PRELID2: variants seen among roughly 807,000 people sequenced by gnomAD.
PRELID2 encodes PRELI domain-containing protein 2.
A neutral mutation model predicts 28.4 loss-of-function variants in PRELID2; 25 were observed. That is an observed-to-expected ratio of 0.88 (90% CI 0.64 to 1.23). The LOEUF is 1.23. Ranked by LOEUF, PRELID2 falls within the 50% of genes most tolerant of loss-of-function variation. The pLI, the probability that PRELID2 is intolerant of heterozygous loss-of-function variation, is 0.00. For synonymous variants in PRELID2, 76 were observed against 71.6 expected (o/e 1.06, Z -0.31); for missense variants, 201 against 214.4 (o/e 0.94, Z 0.39).
At chr5:145,592,473 TAC>T (rs35879187) in intron 1 of PRELID2, among the ~76,000 whole-genome samples, 27,020 of 149,146 alleles carry the variant, frequency 0.18, 3,945 homozygotes, top group African/African-American at 0.4. Flanking sequence ...CACACATACA[TAC>T]ACACACACAC....
chr5:145,559,112 G>A (rs997855530), intron 1 of PRELID2, among the ~76,000 whole-genome samples: 8 of 152,004 alleles, frequency 5.3e-5, no homozygotes, highest in Admixed American at 3.3e-4. Flanking sequence ...AAAATTAGCC[G>A]GGCGTAGTGG....
rs778702597 is a variant in PRELID2 at position 145,759,663 on chromosome 5, A to C, written c.*873T>G. 4 of 152,242 alleles carry C rather than the reference A, an allele frequency of 2.6e-5. No individual in the cohort carries two copies. Among genetic ancestry groups the C allele is most frequent in the Non-Finnish European group, 5.9e-5 (4 of 68,048 alleles). 9.4% of individuals were successfully genotyped at this position (152,242 alleles called of 1,614,324 possible). Reference sequence around the variant, plus strand: ...TTGTGTTCATGATCACTGAGCAAGTAGGTGCCAGCACTTGGATTCAAACCC... The same window carrying C: ...TTGTGTTCATGATCACTGAGCAAGTCGGTGCCAGCACTTGGATTCAAACCC... On this transcript the variant is annotated 3_prime_UTR_variant, in exon 7 of 7. Coordinates refer to ENST00000683046, the MANE Select transcript of PRELID2 (RefSeq NM_205846.3).
intron 1 of PRELID2, among the ~76,000 whole-genome samples, chr5:145,649,724 G>T (rs1265478691): frequency 6.6e-6 from 1 of 152,082 alleles, no homozygotes; most frequent in Non-Finnish European, 1.5e-5. Flanking sequence ...TGCATTTCAA[G>T]GCTCCAAATT....
chr5:145,361,862 C>T, the PRELID2 span, among the ~76,000 whole-genome samples: 1 of 152,084 alleles, frequency 6.6e-6, no homozygotes, highest in Non-Finnish European at 1.5e-5. Flanking sequence ...TACTTTTTCT[C>T]TGGAAAGTCC....
At chr5:145,712,445 C>T (rs1488032049) in intron 1 of PRELID2, among the ~76,000 whole-genome samples, 1 of 152,120 alleles carries the variant, frequency 6.6e-6, no homozygotes, top group African/African-American at 2.4e-5. Flanking sequence ...TCAGCAAATG[C>T]TGTAAGCCAA....
At chr5:145,412,036 C>T in the PRELID2 span, among the ~76,000 whole-genome samples, 2 of 152,108 alleles carry the variant, frequency 1.3e-5, no homozygotes, top group African/African-American at 4.8e-5. Flanking sequence ...TGGGCCCAGG[C>T]CAGAAAACCA....
At chr5:145,644,084 AATG>A (rs1158728006) in intron 1 of PRELID2, among the ~76,000 whole-genome samples, 4 of 152,136 alleles carry the variant, frequency 2.6e-5, no homozygotes, top group African/African-American at 7.2e-5. Flanking sequence ...TTTCAGAAGG[AATG>A]ATACCAGCTC....
intron 1 of PRELID2, among the ~76,000 whole-genome samples, chr5:145,481,516 T>A (rs1180266712): frequency 6.7e-6 from 1 of 150,142 alleles, no homozygotes; most frequent in Non-Finnish European, 1.5e-5. Flanking sequence ...ATAATGGTAC[T>A]CTAGAGAATT....
chr5:145,368,016 A>G, the PRELID2 span, among the ~76,000 whole-genome samples: 1 of 151,958 alleles, frequency 6.6e-6, no homozygotes, highest in African/African-American at 2.4e-5. Flanking sequence ...ACCACCATCA[A>G]TTAATAAGAG....
At chr5:145,510,987 G>A (rs1752455892) in intron 1 of PRELID2, among the ~76,000 whole-genome samples, 1 of 152,158 alleles carries the variant, frequency 6.6e-6, no homozygotes, top group African/African-American at 2.4e-5. Context: ...CTGGAAGCAG[G>A]GCAAAGTAAG....
intron 4 of PRELID2, among the ~76,000 whole-genome samples, chr5:145,809,025 C>CT (rs1554097964): frequency 2.5e-4 from 34 of 135,142 alleles, no homozygotes; most frequent in Non-Finnish European, 3.8e-4. Context: ...CTAGGCTGAG[C>CT]TTTTTTTTTG....
chr5:145,710,330 T>C (rs1241103056), intron 1 of PRELID2, among the ~76,000 whole-genome samples: 1 of 152,222 alleles, frequency 6.6e-6, no homozygotes, highest in African/African-American at 2.4e-5. Context: ...CCTAGGTCTA[T>C]GTGGGATATT....
At chr5:145,311,756 T>C in the PRELID2 span, among the ~76,000 whole-genome samples, 1 of 152,168 alleles carries the variant, frequency 6.6e-6, no homozygotes, top group Admixed American at 6.5e-5. Flanking sequence ...CTACATGATA[T>C]GGATGAACAC....
At chr5:145,455,811 CA>C in the PRELID2 span, among the ~76,000 whole-genome samples, 8 of 152,194 alleles carry the variant, frequency 5.3e-5, no homozygotes, top group Non-Finnish European at 1.0e-4. Context: ...TGACCCCTTG[CA>C]CTTCCTGGGT....
intron 1 of PRELID2, among the ~76,000 whole-genome samples, chr5:145,691,424 G>A (rs998196774): frequency 2.0e-5 from 3 of 152,192 alleles, no homozygotes; most frequent in South Asian, 2.1e-4. Context: ...TCTAAGACTC[G>A]GCCGGGCGTG....
chr5:145,346,042 C>T, the PRELID2 span, among the ~76,000 whole-genome samples: 1 of 152,046 alleles, frequency 6.6e-6, no homozygotes, highest in Admixed American at 6.6e-5. Flanking sequence ...AAGTTAAAGA[C>T]CATTTCTCTA....
the PRELID2 span, among the ~76,000 whole-genome samples, chr5:145,374,539 TG>T: frequency 6.6e-6 from 1 of 152,154 alleles, no homozygotes; most frequent in East Asian, 1.9e-4. Context: ...CTTGCTAGGT[TG>T]GGGAAGTTTC....
At chr5:145,332,263 G>C in the PRELID2 span, among the ~76,000 whole-genome samples, 1 of 152,132 alleles carries the variant, frequency 6.6e-6, no homozygotes, top group African/African-American at 2.4e-5. Context: ...CTCTTCTCAA[G>C]GAATATCTTT....
chr5:145,801,675 A>G (rs1225489065), intron 4 of PRELID2, among the ~76,000 whole-genome samples: 1 of 152,210 alleles, frequency 6.6e-6, no homozygotes, highest in Non-Finnish European at 1.5e-5. Flanking sequence ...CCAAGGTCAC[A>G]TATCTTAATG....
Sources: gnomAD v4.1 joint callset for allele counts (sites outside exome capture counted in the v4.1 genomes callset) on GRCh38, gnomAD v4.1.1 for gene constraint, MANE v1.5 for transcripts, NCBI Gene and HGNC (gene_info 2026-07-23, HGNC 2026-07-21) for gene names.